PTCHD4: variants seen among roughly 807,000 people sequenced by gnomAD.
The protein encoded by PTCHD4 is patched domain containing 4.
PTCHD4 carries 33 observed loss-of-function variants against 58.1 expected under a neutral mutation model. The observed-to-expected ratio is 0.57, with a 90% CI of 0.43 to 0.76. The LOEUF is 0.76. PTCHD4 is among the 30% of genes least tolerant of loss of function. The pLI is 0.00. For synonymous variants in PTCHD4, 478 were observed against 409.6 expected, an observed-to-expected ratio of 1.17 and a Z score of -2.02; for missense variants, 1,058 against 1,027.1, an observed-to-expected ratio of 1.03 and a Z score of -0.41.
intron 4 of PTCHD4, among the ~76,000 whole-genome samples, chr6:47,911,281 A>G (rs1383819812): frequency 6.6e-6 from 1 of 152,050 alleles, no homozygotes; most frequent in East Asian, 1.9e-4. Flanking sequence ...TCTCCTCTAG[A>G]TAAGCCACCT....
chr6:47,901,109 G>A (rs1764682056), intron 4 of PTCHD4: 1 of 149,960 alleles, frequency 6.7e-6, no homozygotes, highest in African/African-American at 2.4e-5. Context: ...AGCCGAGATT[G>A]CGCCACTGCA....
intron 1 of PTCHD4, among the ~76,000 whole-genome samples, chr6:48,073,565 A>T (rs1204223604): frequency 6.6e-6 from 1 of 152,218 alleles, no homozygotes; most frequent in East Asian, 1.9e-4. Flanking sequence ...GGAATAAAAC[A>T]AAGTTTTATC....
At position 47,872,992 on chromosome 6, in the gene PTCHD4, A is replaced by C. The variant is rs1246033722; in HGVS notation, c.*5311T>G. On this transcript the variant is annotated 3_prime_UTR_variant, in exon 5 of 5. Transcript: ENST00000339488. ...TATGACTCAAAGACTCACAAAATAT[A>C]GTCAATGAGAGCCACTCTGGGAATG... 6.6e-6 allele frequency among the ~76,000 whole-genome samples: 1 copy of C among 151,740 alleles called. No homozygotes were observed. Among genetic ancestry groups the C allele is most frequent in the Admixed American group, 6.6e-5 (1 of 15,194 alleles).
chr6:48,086,408 G>A (rs1050457469), intron 1 of PTCHD4, among the ~76,000 whole-genome samples: 2 of 151,792 alleles, frequency 1.3e-5, no homozygotes, highest in African/African-American at 2.4e-5. Context: ...GCTGTAGGTG[G>A]CAGACTCCTG....
chr6:48,085,540 GCTGA>G (rs1206968994), intron 1 of PTCHD4, among the ~76,000 whole-genome samples: 2 of 152,096 alleles, frequency 1.3e-5, no homozygotes, highest in Admixed American at 1.3e-4. Context: ...TTCATTTTTA[GCTGA>G]CTATTGATAT....
intron 4 of PTCHD4, among the ~76,000 whole-genome samples, chr6:47,926,218 A>G (rs1014399677): frequency 8.5e-5 from 13 of 152,206 alleles, no homozygotes; most frequent in Non-Finnish European, 1.3e-4. Flanking sequence ...TGGCCAATGA[A>G]TAGATGTCTC....
intron 4 of PTCHD4, among the ~76,000 whole-genome samples, chr6:47,988,023 C>A (rs557569815): frequency 6.6e-6 from 1 of 152,080 alleles, no homozygotes; most frequent in East Asian, 1.9e-4. Flanking sequence ...GTGATCTGCC[C>A]GCCTTGGCCT....
At chr6:47,944,501 A>G (rs1026778493) in intron 4 of PTCHD4, among the ~76,000 whole-genome samples, 12 of 152,086 alleles carry the variant, frequency 7.9e-5, no homozygotes, top group African/African-American at 2.7e-4. Context: ...ATATAGTCCA[A>G]GTGACTCATT....
At chr6:47,909,657 G>A (rs959547595) in intron 4 of PTCHD4, among the ~76,000 whole-genome samples, 2 of 151,896 alleles carry the variant, frequency 1.3e-5, no homozygotes, top group East Asian at 3.9e-4. Context: ...TGCCTAGGCT[G>A]GCCTCAAACT....
intron 1 of PTCHD4, among the ~76,000 whole-genome samples, chr6:48,075,079 G>A (rs972429693): frequency 6.6e-6 from 1 of 152,084 alleles, no homozygotes; most frequent in African/African-American, 2.4e-5. Flanking sequence ...ACTCAGTGAT[G>A]TAAGGAGTCC....
At chr6:47,967,252 G>A (rs1252764552) in intron 4 of PTCHD4, among the ~76,000 whole-genome samples, 1 of 152,128 alleles carries the variant, frequency 6.6e-6, no homozygotes, top group Non-Finnish European at 1.5e-5. Context: ...ACGCATTGTC[G>A]ATTTGCAGTA....
chr6:47,888,904 G>A (rs1471523928), intron 4 of PTCHD4, among the ~76,000 whole-genome samples: 11 of 109,314 alleles, frequency 1.0e-4, no homozygotes, highest in East Asian at 2.7e-4. Flanking sequence ...GAGAATATGC[G>A]GTGTTTGGTT....
chr6:48,105,696 C>A (rs201026811), intron 1 of PTCHD4, among the ~76,000 whole-genome samples: 1 of 152,078 alleles, frequency 6.6e-6, no homozygotes, highest in East Asian at 1.9e-4. Context: ...AATTGATAGA[C>A]CGCTAGCAAG....
chr6:48,059,236 A>G (rs1314914427), intron 3 of PTCHD4, among the ~76,000 whole-genome samples: 1 of 152,200 alleles, frequency 6.6e-6, no homozygotes, highest in Admixed American at 6.5e-5. Context: ...TTTTAACAAG[A>G]TTCTTAGATG....
At chr6:48,074,276 T>C (rs748369299) in intron 1 of PTCHD4, among the ~76,000 whole-genome samples, 41 of 152,190 alleles carry the variant, frequency 2.7e-4, no homozygotes, top group Non-Finnish European at 5.4e-4. Flanking sequence ...TAACAAGATG[T>C]CCACAAGAAC....
intron 3 of PTCHD4, among the ~76,000 whole-genome samples, chr6:48,024,573 C>T (rs541846268): frequency 2.0e-5 from 3 of 152,244 alleles, no homozygotes; most frequent in Non-Finnish European, 4.4e-5. Flanking sequence ...GCTGGGACAA[C>T]TGAGCTCACA....
At chr6:47,890,792 C>G (rs778169790) in intron 4 of PTCHD4, 110 of 567,154 alleles carry the variant, frequency 1.9e-4, no homozygotes, top group South Asian at 4.7e-4. Flanking sequence ...TGAAGCACCA[C>G]TGCAGAGCCA....
At chr6:48,026,915 C>T (rs1763267185) in intron 3 of PTCHD4, among the ~76,000 whole-genome samples, 1 of 64,810 alleles carries the variant, frequency 1.5e-5, no homozygotes, top group African/African-American at 5.2e-5. Flanking sequence ...TCAATTTGTC[C>T]CATTTTTTTT....
chr6:47,956,270 T>C (rs1766855822), intron 4 of PTCHD4, among the ~76,000 whole-genome samples: 1 of 148,598 alleles, frequency 6.7e-6, no homozygotes, highest in South Asian at 2.1e-4. Context: ...ATGTGCCAGC[T>C]TCTGTTTTAA....
Sources: allele counts gnomAD v4.1 joint callset (sites outside exome capture counted in the v4.1 genomes callset), GRCh38; gene constraint gnomAD v4.1.1; transcripts MANE v1.5; gene names NCBI Gene and HGNC (gene_info 2026-07-23, HGNC 2026-07-21).